Variants in B4GALT6 observed in about 807,000 individuals in gnomAD.
The protein encoded by B4GALT6 is UDP-Gal:beta-GlcNAc beta-1,4-galactosyltransferase 6.
In B4GALT6, 14 loss-of-function variants were observed where a neutral mutation model predicts 46.3. The observed-to-expected ratio is 0.30, with a 90% CI of 0.20 to 0.47. The LOEUF is 0.47. Ranked by LOEUF, B4GALT6 falls within the 20% of genes least tolerant of loss-of-function variation. The pLI is 0.99. For missense variants in B4GALT6, 386 were observed against 480.1 expected, an observed-to-expected ratio of 0.80 and a Z score of 1.83; for synonymous variants, 168 against 162.0, an observed-to-expected ratio of 1.04 and a Z score of -0.28.
At chr18:31,702,864 T>C in the B4GALT6 span, among the ~76,000 whole-genome samples, 132 of 151,390 alleles carry the variant, frequency 8.7e-4, no homozygotes, top group African/African-American at 2.8e-3. Context: ...AGGTCAAGAG[T>C]GGATATGGAG....
At position 31,638,739 on chromosome 18, in the gene B4GALT6, G is replaced by A. The variant is rs371621631; in HGVS notation, c.493C>T (p.Arg165Cys). 10 of 1,613,574 alleles carry A rather than the reference G, an allele frequency of 6.2e-6. No homozygotes were observed. The highest frequency in any genetic ancestry group is 2.7e-5 in the African/African-American group (2 of 74,864). The change falls in exon 5 of 9, where the codon CGT becomes TGT. Residue 165 changes from arginine to cysteine, a missense_variant. Around this residue, in one of 2 missense-constraint regions of B4GALT6, gnomAD observed 323 missense variants for 438.9 expected, o/e 0.74. Transcript: ENST00000306851. ...RWKVAVLIPF[R>C]NRHEHLPIFF... The stretch of plus-strand genomic sequence containing the variant: ...ATTGGAAGATGTTCATGGCGATTAC[G>A]GAAAGGAATGAGAACTGCCACCTTT...
intron 4 of B4GALT6, among the ~76,000 whole-genome samples, chr18:31,643,420 T>C (rs2073954580): frequency 6.6e-6 from 1 of 152,118 alleles, no homozygotes; most frequent in African/African-American, 2.4e-5. Flanking sequence ...CGCCTCAGCC[T>C]CCGGAGTAGC....
At position 31,623,876 on chromosome 18, in the gene B4GALT6, G is replaced by A. The variant is rs2073650355; in HGVS notation, c.*1738C>T. The A allele has an allele frequency of 6.6e-6, 1 of 151,848 alleles. No homozygotes were observed. Among genetic ancestry groups the A allele is most frequent in the South Asian group, 2.1e-4 (1 of 4,828 alleles). 9.4% of individuals were successfully genotyped at this position (151,848 alleles called of 1,614,324 possible). A position where few individuals can be genotyped will look rare whatever the true frequency, so the allele number is the denominator to read the frequency against. Reference sequence around the variant, plus strand: ...TTACAATCTGAGATAAATAACCATAGTTCTGTTTTAGGTAAACAATCCTTG... The same window carrying A: ...TTACAATCTGAGATAAATAACCATAATTCTGTTTTAGGTAAACAATCCTTG... On this transcript the variant is annotated 3_prime_UTR_variant, in exon 9 of 9. Transcript: ENST00000306851.
the B4GALT6 span, among the ~76,000 whole-genome samples, chr18:31,714,044 T>C: frequency 1.2e-4 from 18 of 152,210 alleles, 1 homozygote; most frequent in African/African-American, 4.3e-4. Flanking sequence ...AGCCAGTGAG[T>C]GGCTCTAGTA....
At chr18:31,643,826 T>C (rs1202530858) in intron 4 of B4GALT6, among the ~76,000 whole-genome samples, 2 of 152,214 alleles carry the variant, frequency 1.3e-5, no homozygotes, top group African/African-American at 2.4e-5. Flanking sequence ...ACTAGTATGC[T>C]ACCCAGAGCA....
At chr18:31,700,469 G>GTGTGTGTA in the B4GALT6 span, among the ~76,000 whole-genome samples, 1 of 95,972 alleles carries the variant, frequency 1.0e-5, no homozygotes, top group Non-Finnish European at 2.1e-5. Flanking sequence ...GTGTGTGTGT[G>GTGTGTGTA]AGAGAGAGAC....
chr18:31,645,049 C>T (rs946631722), intron 4 of B4GALT6, among the ~76,000 whole-genome samples: 1 of 152,162 alleles, frequency 6.6e-6, no homozygotes, highest in African/African-American at 2.4e-5. Flanking sequence ...AGCCTCTCTT[C>T]CAAACAGAAC....
intron 4 of B4GALT6, among the ~76,000 whole-genome samples, chr18:31,639,852 A>G (rs899831133): frequency 1.3e-5 from 2 of 152,208 alleles, no homozygotes; most frequent in Non-Finnish European, 1.5e-5. Context: ...GAATAAATGA[A>G]TGATCATCAA....
chr18:31,626,484 G>A, intron 7 of B4GALT6, 100 bp from the exon 8 acceptor site: 1 of 626,678 alleles, frequency 1.6e-6, no homozygotes. Context: ...TCTAATCCAG[G>A]GTTCCCCAAC....
chr18:31,680,432 T>C (rs1315357864), intron 1 of B4GALT6, among the ~76,000 whole-genome samples: 3 of 152,048 alleles, frequency 2.0e-5, no homozygotes, highest in African/African-American at 7.2e-5. Flanking sequence ...CCCATCGCCA[T>C]CAGCTCCACC....
At chr18:31,629,622 G>T (rs1208833572) in intron 6 of B4GALT6, among the ~76,000 whole-genome samples, 2 of 150,550 alleles carry the variant, frequency 1.3e-5, no homozygotes, top group African/African-American at 4.9e-5. Context: ...GGCCGAGGCG[G>T]GTGGATCACA....
At chr18:31,705,402 T>A in the B4GALT6 span, among the ~76,000 whole-genome samples, 1 of 152,204 alleles carries the variant, frequency 6.6e-6, no homozygotes, top group African/African-American at 2.4e-5. Context: ...TATTTATTCA[T>A]TTTGAGATGG....
At chr18:31,709,428 T>C in the B4GALT6 span, among the ~76,000 whole-genome samples, 1 of 133,912 alleles carries the variant, frequency 7.5e-6, no homozygotes, top group African/African-American at 3.2e-5. Flanking sequence ...CATTCTGCAA[T>C]TCATACATAT....
At chr18:31,691,432 G>A in the B4GALT6 span, among the ~76,000 whole-genome samples, 10 of 150,416 alleles carry the variant, frequency 6.6e-5, no homozygotes, top group African/African-American at 2.2e-4. Context: ...CTTCATAGGC[G>A]AATGACTCAC....
At chr18:31,715,614 G>C in the B4GALT6 span, among the ~76,000 whole-genome samples, 1 of 124,164 alleles carries the variant, frequency 8.1e-6, no homozygotes, top group Non-Finnish European at 1.6e-5. Flanking sequence ...GCAATAGCAC[G>C]ATCTCAGCTC....
At position 31,624,519 on chromosome 18, in the gene B4GALT6, CTAAG is replaced by C. The variant is rs1307828402; in HGVS notation, c.*1091_*1094del. 6 of 151,752 alleles carry C rather than the reference CTAAG, an allele frequency of 4.0e-5. No homozygotes were observed. Among genetic ancestry groups the C allele is most frequent in the South Asian group, 2.1e-4 (1 of 4,822 alleles). The allele number at this position is 151,752 out of a possible 1,614,324, so 9.4% of individuals were successfully genotyped here. On this transcript the variant is annotated 3_prime_UTR_variant, in exon 9 of 9. Coordinates refer to ENST00000306851, the MANE Select transcript of B4GALT6 (RefSeq NM_004775.5). ...TAAACTTAAAATTTGTTTTTATCTA[CTAAG>C]TATTTATCTTTATAAAAATAGAATA...
rs576436428 is a variant in B4GALT6 at position 31,631,623 on chromosome 18, A to G, written c.589-477T>C. Among the ~76,000 whole-genome samples, 5 of 152,296 alleles carry G rather than the reference A, an allele frequency of 3.3e-5. No homozygotes were observed. In the South Asian group the frequency reaches 1.0e-3, roughly 32 times the overall value. On this transcript the variant is annotated intron_variant, in intron 5 of 8. Coordinates refer to ENST00000306851, the MANE Select transcript of B4GALT6 (RefSeq NM_004775.5). ...TAGATTACTTGTGGCGAGAAAAAAA[A>G]AGTCATTAAAAATAATATAAGTTTT...
At chr18:31,670,916 G>A (rs531157075) in intron 1 of B4GALT6, among the ~76,000 whole-genome samples, 48 of 151,774 alleles carry the variant, frequency 3.2e-4, no homozygotes, top group African/African-American at 1.1e-3. Flanking sequence ...CCCAACCCCC[G>A]AGAGGCCCCA....
intron 6 of B4GALT6, among the ~76,000 whole-genome samples, chr18:31,629,248 A>G (rs2144493628): frequency 6.6e-6 from 1 of 152,234 alleles, no homozygotes; most frequent in Admixed American, 6.5e-5. Context: ...TGGGGAGTCA[A>G]AAGTTATACT....
Sources: allele counts gnomAD v4.1 joint callset (sites outside exome capture counted in the v4.1 genomes callset), GRCh38; gene constraint gnomAD v4.1.1; regional missense constraint gnomAD v4.1.1; transcripts MANE v1.5; gene names NCBI Gene and HGNC (gene_info 2026-07-23, HGNC 2026-07-21).